Variants in FGF12 observed in about 807,000 individuals in gnomAD.
The protein encoded by FGF12 is fibroblast growth factor 12, also known as fibroblast growth factor 12B.
In FGF12, 14 loss-of-function variants were observed where a neutral mutation model predicts 23.6. The ratio of observed to expected loss-of-function variants is 0.59; its 90% CI spans 0.39 to 0.93. The LOEUF (loss-of-function observed/expected upper bound fraction) is 0.93. Ranked by LOEUF, FGF12 falls within the 40% of genes least tolerant of loss-of-function variation. The probability of loss-of-function intolerance (pLI) is 0.00; values close to 1 mark genes in which losing one functional copy is unlikely to be tolerated. For missense variants in FGF12, 175 were observed against 217.8 expected (o/e 0.80, Z 1.24); for synonymous variants, 62 against 77.3 (o/e 0.80, Z 1.04).
At chr3:192,617,308 C>A (rs567851464) in intron 2 of FGF12, among the ~76,000 whole-genome samples, 35 of 149,842 alleles carry the variant, frequency 2.3e-4, no homozygotes, top group Middle Eastern at 3.4e-3. Flanking sequence ...TTTCCAGGAT[C>A]CCTCAGAAGG....
chr3:192,203,950 T>G (rs1717512129), intron 4 of FGF12, among the ~76,000 whole-genome samples: 1 of 152,110 alleles, frequency 6.6e-6, no homozygotes, highest in Non-Finnish European at 1.5e-5. Context: ...GTCAGGGGCC[T>G]CCCTGAATAA....
intron 2 of FGF12, among the ~76,000 whole-genome samples, chr3:192,458,118 TGGAAA>T (rs1261541224): frequency 1.3e-5 from 2 of 152,254 alleles, no homozygotes; most frequent in Non-Finnish European, 1.5e-5. Flanking sequence ...AGAAGATGTA[TGGAAA>T]CGCCTGGATG....
intron 4 of FGF12, among the ~76,000 whole-genome samples, chr3:192,304,510 T>C (rs759927931): frequency 2.6e-5 from 4 of 152,042 alleles, no homozygotes; most frequent in Admixed American, 6.6e-5. Context: ...CTCTCCTGCA[T>C]AGAAAGGAAA....
intron 3 of FGF12, among the ~76,000 whole-genome samples, chr3:192,347,768 G>A (rs1718029868): frequency 6.6e-6 from 1 of 152,146 alleles, no homozygotes. Flanking sequence ...CTCTGCTCAA[G>A]TCCTTCATTT....
chr3:192,349,715 C>G (rs1718125510), intron 3 of FGF12, among the ~76,000 whole-genome samples: 1 of 152,010 alleles, frequency 6.6e-6, no homozygotes, highest in Admixed American at 6.6e-5. Flanking sequence ...TTCCTATTTT[C>G]AAAATGGAAA....
chr3:192,392,593 AGAGAGAGAGAGAG>A (rs1720348821), intron 2 of FGF12, among the ~76,000 whole-genome samples: 2 of 14,002 alleles, frequency 1.4e-4, no homozygotes, highest in African/African-American at 1.6e-3. Flanking sequence ...TGAAACTCCG[AGAGAGAGAGAGAG>A]AGAGAGAGAG....
rs1247036912 is a variant in FGF12, at chr3:192,514,648, G to A, written c.14-154110C>T. The A allele has an allele frequency of 3.1e-6, 3 of 976,362 alleles. No individual in the cohort carries two copies. The African/African-American group carries it at 5.3e-5, about 17-fold the overall frequency. The allele number at this position is 976,362 out of a possible 1,614,324, so 60.5% of individuals were successfully genotyped here. A position where few individuals can be genotyped will look rare whatever the true frequency, so the allele number is the denominator to read the frequency against. On this transcript the variant is annotated intron_variant, in intron 2 of 5. Transcript: ENST00000445105. The surrounding 1 kb of genome is among the most constrained non-coding windows in gnomAD (Gnocchi z 4.9). Reference sequence around the variant, plus strand: ...GCATTCTGCAGTGTTTGGGGGCTGGGGAAAGAACATTTTCTCACCACTTGG... The same window carrying A: ...GCATTCTGCAGTGTTTGGGGGCTGGAGAAAGAACATTTTCTCACCACTTGG...
chr3:192,523,846 T>C (rs939465763), intron 2 of FGF12, among the ~76,000 whole-genome samples: 1 of 152,142 alleles, frequency 6.6e-6, no homozygotes, highest in African/African-American at 2.4e-5. Context: ...ATAGCACAGA[T>C]GAGAAGAGTG....
At position 192,667,864 on chromosome 3, in the gene FGF12, T is replaced by C. The variant is rs189480769; in HGVS notation, c.13+59317A>G. Among the ~76,000 whole-genome samples the C allele has an allele frequency of 3.1e-3, 479 of 152,078 alleles. 5 individuals carry two copies. Among genetic ancestry groups the C allele is most frequent in the African/African-American group, 0.011 (461 of 41,478 alleles). On this transcript the variant is annotated intron_variant, in intron 2 of 5. Coordinates refer to ENST00000445105, the MANE Select transcript of FGF12 (RefSeq NM_004113.6). Reference sequence around the variant, plus strand: ...TGTTAGTGCTTTATCCTGAAGGAAATGAAAAGCCAAGGAGGGGTTTTAAGC... The same window carrying C: ...TGTTAGTGCTTTATCCTGAAGGAAACGAAAAGCCAAGGAGGGGTTTTAAGC...
chr3:192,498,871 T>C (rs1366152668), intron 2 of FGF12, among the ~76,000 whole-genome samples: 2 of 152,242 alleles, frequency 1.3e-5, no homozygotes, highest in East Asian at 3.8e-4. Context: ...CTGAAAAGTT[T>C]CTATTTAACT....
chr3:192,512,120 G>A (rs954575684), intron 2 of FGF12, among the ~76,000 whole-genome samples: 7 of 152,108 alleles, frequency 4.6e-5, no homozygotes, highest in Non-Finnish European at 1.0e-4. Context: ...AAATAATGGA[G>A]AAGAAGCAGC....
intron 2 of FGF12, among the ~76,000 whole-genome samples, chr3:192,466,422 T>C (rs1186127496): frequency 6.6e-6 from 1 of 152,112 alleles, no homozygotes; most frequent in Admixed American, 6.6e-5. Context: ...ATTAAACATG[T>C]AATAAATTCA....
At chr3:192,358,590 A>C (rs77097354) in intron 3 of FGF12, among the ~76,000 whole-genome samples, 9,514 of 152,002 alleles carry the variant, frequency 0.063, 1,063 homozygotes, top group African/African-American at 0.22. Flanking sequence ...TTACACTAGC[A>C]GTTCACCCAG....
chr3:192,158,965 C>T (rs557168595), intron 5 of FGF12, among the ~76,000 whole-genome samples: 1 of 151,962 alleles, frequency 6.6e-6, no homozygotes, highest in South Asian at 2.1e-4. Flanking sequence ...CTTTGGTGTC[C>T]CTCTCTCCTG....
intron 4 of FGF12, among the ~76,000 whole-genome samples, chr3:192,257,853 T>C (rs1317765393): frequency 6.6e-6 from 1 of 152,006 alleles, no homozygotes. Context: ...CTAAACGATA[T>C]TATTCTATTT....
intron 4 of FGF12, among the ~76,000 whole-genome samples, chr3:192,280,017 T>C (rs551155831): frequency 6.6e-6 from 1 of 152,340 alleles, no homozygotes; most frequent in Admixed American, 6.5e-5. Context: ...AAAAATGCTA[T>C]CTGAACATAA....
At chr3:192,155,011 T>C (rs918107912) in intron 5 of FGF12, among the ~76,000 whole-genome samples, 2 of 146,676 alleles carry the variant, frequency 1.4e-5, no homozygotes, top group Non-Finnish European at 3.0e-5. Flanking sequence ...GGATATAGTC[T>C]CGTGGTGCGC....
chr3:192,633,403 T>C (rs921124476), intron 2 of FGF12, among the ~76,000 whole-genome samples: 2 of 152,128 alleles, frequency 1.3e-5, no homozygotes, highest in African/African-American at 4.8e-5. Context: ...TATGGCTTCA[T>C]CTTAATTCAG....
In FGF12 at chr3:192,378,029, T is replaced by TCTTTCTTTCTTTCTTTCTTCCTTC. The variant is rs63475262; in HGVS notation, c.14-17492_14-17491insGAAGGAAGAAAGAAAGAAAGAAAG. Among the ~76,000 whole-genome samples, 5 of 9,858 alleles carry TCTTTCTTTCTTTCTTTCTTCCTTC rather than the reference T, an allele frequency of 5.1e-4. 1 individual carries two copies. The highest frequency in any genetic ancestry group is 7.1e-4 in the Non-Finnish European group (5 of 7,020). The allele number at this position is 9,858 out of a possible 152,430, so 6.5% of individuals were successfully genotyped here. On this transcript the variant is annotated intron_variant, in intron 2 of 5. Transcript: ENST00000445105. Reference sequence around the variant, plus strand: ...ATCCCTTTCTTCTGACTCTTTCTTTTCTTTCTTTCTTTCTTTCTTTCTTTC... The same window carrying TCTTTCTTTCTTTCTTTCTTCCTTC: ...ATCCCTTTCTTCTGACTCTTTCTTTTCTTTCTTTCTTTCTTTCTTCCTTCCTTTCTTTCTTTCTTTCTTTCTTTC...
Sources: gnomAD v4.1 joint callset for allele counts (sites outside exome capture counted in the v4.1 genomes callset) on GRCh38, gnomAD v4.1.1 for gene constraint, Gnocchi (gnomAD v3.1) non-coding constraint, MANE v1.5 for transcripts, NCBI Gene and HGNC (gene_info 2026-07-23, HGNC 2026-07-21) for gene names.